The following NAV3 variants were observed in gnomAD, a reference collection of about 807,000 sequenced individuals.
The protein encoded by NAV3 is neuron navigator 3.
NAV3 carries 87 observed loss-of-function variants against 244.7 expected under a neutral mutation model. That is an observed-to-expected ratio of 0.36 (90% CI 0.30 to 0.42). The LOEUF is 0.42. Among genes scored for constraint, NAV3 ranks in the 20% least tolerant of loss-of-function variants. NAV3 has a pLI of 1.00. For synonymous variants in NAV3, 1,126 were observed against 1,042.2 expected, an observed-to-expected ratio of 1.08 and a Z score of -1.55; for missense variants, 2,663 against 2,893.3, an observed-to-expected ratio of 0.92 and a Z score of 1.83.
intron 2 of NAV3, among the ~76,000 whole-genome samples, chr12:77,756,256 G>A (rs1869172851): frequency 6.6e-6 from 1 of 151,982 alleles, no homozygotes; most frequent in African/African-American, 2.4e-5. Context: ...ATAGAAATAG[G>A]GTTATGAAAA....
intron 2 of NAV3, among the ~76,000 whole-genome samples, chr12:77,609,677 A>T (rs1870825831): frequency 6.6e-6 from 1 of 151,998 alleles, no homozygotes; most frequent in Non-Finnish European, 1.5e-5. Context: ...TGGTCTGCAG[A>T]ACACACTTTG....
intron 2 of NAV3, among the ~76,000 whole-genome samples, chr12:77,784,629 A>G (rs1460073897): frequency 6.6e-6 from 1 of 152,174 alleles, no homozygotes; most frequent in Non-Finnish European, 1.5e-5. Context: ...TGTGATTGTC[A>G]TTCTGAATAA....
chr12:77,949,855 T>C (rs1326999045), intron 3 of NAV3, among the ~76,000 whole-genome samples: 3 of 152,058 alleles, frequency 2.0e-5, no homozygotes, highest in Non-Finnish European at 4.4e-5. Flanking sequence ...GAACCAGTGA[T>C]TGTTTTACTG....
chr12:77,965,960 A>G (rs1892476119), intron 3 of NAV3, among the ~76,000 whole-genome samples: 1 of 152,160 alleles, frequency 6.6e-6, no homozygotes, highest in Admixed American at 6.5e-5. Context: ...ATCCAGTTTT[A>G]TGTTAAGTAG....
At chr12:77,997,562 G>T (rs905410310) in intron 6 of NAV3, among the ~76,000 whole-genome samples, 1 of 152,124 alleles carries the variant, frequency 6.6e-6, no homozygotes, top group Non-Finnish European at 1.5e-5. Flanking sequence ...ACAAAGAGTA[G>T]CTAAAGCTAT....
At chr12:77,648,485 T>C (rs1290634941) in intron 2 of NAV3, among the ~76,000 whole-genome samples, 1 of 152,154 alleles carries the variant, frequency 6.6e-6, no homozygotes, top group Admixed American at 6.6e-5. Context: ...AATAAATTAC[T>C]GACTGGTTAT....
intron 12 of NAV3, chr12:78,091,418 A>T (rs577645723): frequency 2.0e-5 from 3 of 152,318 alleles, no homozygotes; most frequent in Non-Finnish European, 4.4e-5. Context: ...TATGAGAAAT[A>T]TTCACTACTC....
At chr12:78,186,824 T>A (rs1958742504) in intron 31 of NAV3, among the ~76,000 whole-genome samples, 1 of 151,878 alleles carries the variant, frequency 6.6e-6, no homozygotes, top group African/African-American at 2.4e-5. Context: ...ATCAAGGTGC[T>A]AGCTGATTTG....
intron 2 of NAV3, among the ~76,000 whole-genome samples, chr12:77,603,966 G>A (rs1313962428): frequency 6.6e-6 from 1 of 152,100 alleles, no homozygotes; most frequent in African/African-American, 2.4e-5. Flanking sequence ...TAAATTTAGA[G>A]GTGGAGTTTG....
chr12:78,005,499 G>T (rs1357692950), intron 7 of NAV3, among the ~76,000 whole-genome samples: 1 of 152,156 alleles, frequency 6.6e-6, no homozygotes, highest in Non-Finnish European at 1.5e-5. Context: ...TCAGAAGATT[G>T]TTGGCAATGC....
intron 1 of NAV3, among the ~76,000 whole-genome samples, chr12:77,875,343 CA>C (rs1326858784): frequency 5.9e-5 from 9 of 151,994 alleles, no homozygotes; most frequent in African/African-American, 2.2e-4. Flanking sequence ...GACAACTCTT[CA>C]AAAAGGTCTT....
intron 2 of NAV3, among the ~76,000 whole-genome samples, chr12:77,694,475 TAAA>T (rs755271316): frequency 3.7e-5 from 5 of 134,344 alleles, no homozygotes; most frequent in African/African-American, 1.4e-4. Flanking sequence ...CCATCTCAAT[TAAA>T]AAAAAAAAAA....
chr12:77,592,838 T>G (rs552493373), intron 2 of NAV3, among the ~76,000 whole-genome samples: 2 of 152,226 alleles, frequency 1.3e-5, no homozygotes, highest in Non-Finnish European at 2.9e-5. Flanking sequence ...CAGTGGCGTA[T>G]TTTTGTTTAG....
At chr12:77,673,381 T>C (rs763754250) in intron 2 of NAV3, among the ~76,000 whole-genome samples, 8 of 152,130 alleles carry the variant, frequency 5.3e-5, no homozygotes, top group Non-Finnish European at 8.8e-5. Flanking sequence ...TATAGTAATT[T>C]CTTCTTATTC....
intron 1 of NAV3, among the ~76,000 whole-genome samples, chr12:77,884,515 C>T (rs1883050329): frequency 6.6e-6 from 1 of 151,982 alleles, no homozygotes; most frequent in Non-Finnish European, 1.5e-5. Flanking sequence ...CCCTGGAGCC[C>T]AAAAGCTGGA....
At chr12:77,604,520 AATT>A (rs1293549329) in intron 2 of NAV3, among the ~76,000 whole-genome samples, 4 of 152,040 alleles carry the variant, frequency 2.6e-5, no homozygotes, top group Non-Finnish European at 5.9e-5. Context: ...ATATATAAGT[AATT>A]ATTATTTTCC....
intron 1 of NAV3, among the ~76,000 whole-genome samples, chr12:77,833,869 G>A (rs1688501371): frequency 6.6e-6 from 1 of 152,120 alleles, no homozygotes; most frequent in Admixed American, 6.5e-5. Context: ...GACCTCCCTG[G>A]CTAGATTCCC....
chr12:77,619,838 G>C (rs1482778674), intron 2 of NAV3, among the ~76,000 whole-genome samples: 2 of 151,862 alleles, frequency 1.3e-5, no homozygotes, highest in Non-Finnish European at 2.9e-5. Flanking sequence ...TTATTTTAGG[G>C]AGAGGGAAAT....
At chr12:78,051,475 T>C (rs1055608790) in intron 11 of NAV3, among the ~76,000 whole-genome samples, 1 of 152,210 alleles carries the variant, frequency 6.6e-6, no homozygotes, top group African/African-American at 2.4e-5. Flanking sequence ...AGGAGGAGTT[T>C]TGCTGATTTG....
Sources: allele counts gnomAD v4.1 joint callset (sites outside exome capture counted in the v4.1 genomes callset), GRCh38; gene constraint gnomAD v4.1.1; transcripts MANE v1.5; gene names NCBI Gene and HGNC (gene_info 2026-07-23, HGNC 2026-07-21).